Variants in AGBL4 observed in about 807,000 individuals in gnomAD.
The protein encoded by AGBL4 is AGBL carboxypeptidase 4.
A neutral mutation model predicts 66.4 loss-of-function variants in AGBL4; 58 were observed. The ratio of observed to expected loss-of-function variants is 0.87; its 90% CI spans 0.71 to 1.09. The LOEUF (loss-of-function observed/expected upper bound fraction) is 1.09, where lower values mean the gene tolerates loss of function less well. Among genes scored for constraint, AGBL4 ranks in the 50% least tolerant of loss-of-function variants. The probability of loss-of-function intolerance (pLI) is 0.00; values close to 1 mark genes in which losing one functional copy is unlikely to be tolerated. For synonymous variants in AGBL4, 234 were observed against 222.9 expected, an observed-to-expected ratio of 1.05 and a Z score of -0.44; for missense variants, 579 against 631.0, an observed-to-expected ratio of 0.92 and a Z score of 0.88.
intron 5 of AGBL4, among the ~76,000 whole-genome samples, chr1:49,031,738 A>C (rs1454603055): frequency 1.3e-5 from 2 of 152,090 alleles, no homozygotes; most frequent in Admixed American, 1.3e-4. Context: ...GAGACTAGAG[A>C]CAGAGCATCA....
intron 4 of AGBL4, among the ~76,000 whole-genome samples, chr1:49,070,637 TATTTTATTGAGG>T (rs1644583552): frequency 6.6e-6 from 1 of 152,018 alleles, no homozygotes; most frequent in African/African-American, 2.4e-5. Context: ...GGTTTGCCAG[TATTTTATTGAGG>T]ATTTTCACAT....
intron 2 of AGBL4, among the ~76,000 whole-genome samples, chr1:49,779,580 AAGG>A (rs1644286076): frequency 6.6e-6 from 1 of 152,134 alleles, no homozygotes; most frequent in Non-Finnish European, 1.5e-5. Flanking sequence ...GTCCCCCAAT[AAGG>A]AGGTCTCTGG....
chr1:49,851,611 A>G (rs1441476819), intron 1 of AGBL4, 93 bp from the exon 2 acceptor site: 2 of 1,337,128 alleles, frequency 1.5e-6, no homozygotes, highest in Non-Finnish European at 2.0e-6. Context: ...CCTAGTCACC[A>G]AGTGTTAACC....
At chr1:49,368,128 T>C (rs1450780922) in intron 3 of AGBL4, among the ~76,000 whole-genome samples, 1 of 152,234 alleles carries the variant, frequency 6.6e-6, no homozygotes, top group Non-Finnish European at 1.5e-5. Flanking sequence ...TATTCTACTA[T>C]ATGGATATGC....
At chr1:49,984,515 T>A (rs1403298273) in intron 1 of AGBL4, among the ~76,000 whole-genome samples, 1 of 152,212 alleles carries the variant, frequency 6.6e-6, no homozygotes, top group Non-Finnish European at 1.5e-5. Context: ...TAGCTCCTCC[T>A]GTAACCTGTT....
intron 11 of AGBL4, among the ~76,000 whole-genome samples, chr1:48,571,742 T>G (rs939634655): frequency 2.0e-5 from 3 of 152,338 alleles, no homozygotes; most frequent in Non-Finnish European, 4.4e-5. Flanking sequence ...AACTGGCCCA[T>G]GGACACATCC....
At chr1:48,680,830 A>G (rs1159977259) in intron 6 of AGBL4, among the ~76,000 whole-genome samples, 1 of 152,226 alleles carries the variant, frequency 6.6e-6, no homozygotes, top group South Asian at 2.1e-4. Context: ...ACCTTGAACA[A>G]AGGGCGAGAG....
rs192389704 is a variant in AGBL4 at position 48,572,740 on chromosome 1, A to G, written c.1267+14264T>C. Among the ~76,000 whole-genome samples the G allele has an allele frequency of 1.6e-3, 249 of 152,292 alleles. 1 individual carries two copies. The highest frequency in any genetic ancestry group is 5.6e-3 in the African/African-American group (233 of 41,560). On this transcript the variant is annotated intron_variant, in intron 11 of 13. Transcript: ENST00000371839. Reference sequence around the variant, plus strand: ...CCCACAAAGATAGCTCAAGCCCTCCAGAGCATAGGTCTTAGCCCTGACAAA... The same window carrying G: ...CCCACAAAGATAGCTCAAGCCCTCCGGAGCATAGGTCTTAGCCCTGACAAA...
intron 2 of AGBL4, among the ~76,000 whole-genome samples, chr1:49,812,474 CA>C (rs1343137496): frequency 6.6e-6 from 1 of 152,078 alleles, no homozygotes; most frequent in East Asian, 1.9e-4. Flanking sequence ...CTATATACAT[CA>C]AAAAAGAGCC....
chr1:49,502,973 T>C (rs1648311808), intron 3 of AGBL4, among the ~76,000 whole-genome samples: 1 of 152,140 alleles, frequency 6.6e-6, no homozygotes, highest in Admixed American at 6.5e-5. Flanking sequence ...AGCCAAATAT[T>C]AATCAGCAAG....
At chr1:49,805,349 G>A (rs1427698680) in intron 2 of AGBL4, among the ~76,000 whole-genome samples, 1 of 152,134 alleles carries the variant, frequency 6.6e-6, no homozygotes, top group Non-Finnish European at 1.5e-5. Context: ...TATGGCTCAT[G>A]AAAAGCCTGA....
chr1:49,749,713 T>C (rs904327854), intron 2 of AGBL4, among the ~76,000 whole-genome samples: 2 of 152,152 alleles, frequency 1.3e-5, no homozygotes, highest in Non-Finnish European at 2.9e-5. Flanking sequence ...GATGTCCAAG[T>C]CTTCTACATT....
chr1:49,260,384 G>C (rs1203016065), intron 3 of AGBL4, among the ~76,000 whole-genome samples: 2 of 150,784 alleles, frequency 1.3e-5, no homozygotes, highest in African/African-American at 2.4e-5. Context: ...TTTTTTGAAA[G>C]GATCAACAAA....
chr1:48,694,088 T>C (rs1219143571), intron 6 of AGBL4, among the ~76,000 whole-genome samples: 1 of 151,364 alleles, frequency 6.6e-6, no homozygotes, highest in African/African-American at 2.4e-5. Flanking sequence ...GCCTGTGGTT[T>C]GGGGTGTGGC....
At chr1:48,844,651 A>G (rs112680677) in intron 6 of AGBL4, among the ~76,000 whole-genome samples, 8 of 152,108 alleles carry the variant, frequency 5.3e-5, no homozygotes, top group African/African-American at 1.9e-4. Context: ...ATTCCTGTGC[A>G]TTTTTAAAGA....
At chr1:49,888,873 T>C (rs1369803706) in intron 1 of AGBL4, among the ~76,000 whole-genome samples, 3 of 152,184 alleles carry the variant, frequency 2.0e-5, no homozygotes, top group Non-Finnish European at 2.9e-5. Context: ...CAAAAGTCTA[T>C]GATTCAAAGA....
chr1:48,865,445 A>G (rs1016224978), intron 6 of AGBL4, among the ~76,000 whole-genome samples: 8 of 152,164 alleles, frequency 5.3e-5, no homozygotes, highest in Admixed American at 5.2e-4. Flanking sequence ...CATTTGCAAT[A>G]CACCAGTGTG....
At chr1:49,073,722 C>T (rs948940033) in intron 4 of AGBL4, among the ~76,000 whole-genome samples, 14 of 152,138 alleles carry the variant, frequency 9.2e-5, no homozygotes, top group South Asian at 2.1e-4. Flanking sequence ...TCAGGCTACT[C>T]GGGGGTCAGG....
Position 48,534,253 on chromosome 1 carries a change from C to A in AGBL4, c.1432G>T (p.Gly478Cys), listed in dbSNP as rs1304307906. Residue 478 changes from glycine to cysteine, a missense_variant, in exon 14 of 14, where the codon GGC becomes TGC. By Grantham distance (159) the Gly-to-Cys change is radical. Transcript: ENST00000371839. ...SPPYKHPLLR[G>C]PASNYPNSKG... ...CTGTTGGGGTAGTTGCTGGCTGGGC[C>A]CCGCAGGAGTGGGTGCTTGTAAGGA... 6.4e-7 allele frequency: 1 copy of A among 1,551,592 alleles called. No individual in the cohort carries two copies. Among genetic ancestry groups the A allele is most frequent in the Non-Finnish European group, 8.7e-7 (1 of 1,146,940 alleles).
Sources: gnomAD v4.1 joint callset for allele counts (sites outside exome capture counted in the v4.1 genomes callset) on GRCh38, gnomAD v4.1.1 for gene constraint, MANE v1.5 for transcripts, NCBI Gene and HGNC (gene_info 2026-07-23, HGNC 2026-07-21) for gene names.